CLN6: variants seen among roughly 807,000 people sequenced by gnomAD.
CLN6 encodes ceroid-lipofuscinosis neuronal protein 6.
A neutral mutation model predicts 33.3 loss-of-function variants in CLN6; 22 were observed. The ratio of observed to expected loss-of-function variants is 0.66; its 90% CI spans 0.47 to 0.94. CLN6 has a LOEUF of 0.94. Ranked by LOEUF, CLN6 falls within the 40% of genes least tolerant of loss-of-function variation. The pLI, the probability that CLN6 is intolerant of heterozygous loss-of-function variation, is 0.00. For synonymous variants in CLN6, 201 were observed against 174.6 expected (o/e 1.15, Z -1.19); for missense variants, 387 against 417.1 (o/e 0.93, Z 0.63).
At chr15:68,251,445 C>T (rs1263494169) in intron 1 of CLN6, among the ~76,000 whole-genome samples, 2 of 151,990 alleles carry the variant, frequency 1.3e-5, no homozygotes, top group Non-Finnish European at 2.9e-5. Flanking sequence ...GAGGCAGAGG[C>T]GGGTGGATGG....
chr15:68,217,523 C>T (rs2093223763), intron 2 of CLN6, among the ~76,000 whole-genome samples: 1 of 152,206 alleles, frequency 6.6e-6, no homozygotes, highest in Admixed American at 6.5e-5. Context: ...AGCCACCATG[C>T]CCGGCCCCAA....
chr15:68,252,159 A>G (rs1892388310), intron 1 of CLN6, among the ~76,000 whole-genome samples: 1 of 151,856 alleles, frequency 6.6e-6, no homozygotes, highest in Admixed American at 6.6e-5. Flanking sequence ...TTTTTAGTAG[A>G]GATAGTGTTT....
rs939823756 is a variant in CLN6, at chr15:68,247,026, C to T, written c.179+9664G>A. Among the ~76,000 whole-genome samples the T allele has an allele frequency of 2.0e-5, 3 of 151,986 alleles. No homozygotes were observed. Among genetic ancestry groups the T allele is most frequent in the African/African-American group, 7.3e-5 (3 of 41,330 alleles). ...CAAAAATTAGCCTGGCGTGGTGGTGCATGCCTGTAATCCCAGATACTCGGG... is the reference window on the plus strand; with the variant it reads ...CAAAAATTAGCCTGGCGTGGTGGTGTATGCCTGTAATCCCAGATACTCGGG... On this transcript the variant is annotated intron_variant, in intron 1 of 6. Transcript: ENST00000538696. The surrounding 1 kb of genome is among the most constrained non-coding windows in gnomAD (Gnocchi z 4.2).
At chr15:68,223,572 G>A (rs886221601) in intron 1 of CLN6, among the ~76,000 whole-genome samples, 4 of 152,094 alleles carry the variant, frequency 2.6e-5, no homozygotes, top group South Asian at 2.1e-4. Flanking sequence ...TAGGATGTTC[G>A]GTACGAGGAA....
intron 1 of CLN6, among the ~76,000 whole-genome samples, chr15:68,225,515 C>G (rs1251327638): frequency 6.6e-6 from 1 of 152,160 alleles, no homozygotes; most frequent in Non-Finnish European, 1.5e-5. Flanking sequence ...CAAGGTCTTG[C>G]TCTGTCACCC....
Position 68,208,403 on chromosome 15 carries a change from C to T in CLN6, c.673G>A (p.Val225Ile). Residue 225 changes from valine (V) to isoleucine (I), a missense_variant, in exon 7 of 7, where the codon GTC (valine) becomes ATC (isoleucine). Val to Ile is a conservative substitution (Grantham distance 29). Coordinates refer to ENST00000249806, the MANE Select transcript of CLN6 (RefSeq NM_017882.3). This position sits in a 1 kb window ranked among gnomAD's most constrained non-coding sequence, Gnocchi z 5.8. The stretch of plus-strand genomic sequence containing the variant: ...AGGATGAAGATCTGGCCCTCGGTGA[C>T]CAGGTACCTGGAAAGGCCAGGGGTG... The part of the protein sequence containing the change: ...APSGLYYWYL[V>I]TEGQIFILFI... The T allele has an allele frequency of 6.2e-7, 1 of 1,612,682 alleles. No individual in the cohort carries two copies. The highest frequency in any genetic ancestry group is 8.5e-7 in the Non-Finnish European group (1 of 1,180,000).
rs1210044779 is a variant in CLN6, at chr15:68,247,228, G to T, written c.179+9462C>A. On this transcript the variant is annotated intron_variant, in intron 1 of 6. Transcript: ENST00000538696. This position sits in a 1 kb window ranked among gnomAD's most constrained non-coding sequence, Gnocchi z 4.2. ...GAAAGGAAGAATTCAAATTAGACTT[G>T]TACACAGAAGACATGATCTTACATT... Among the ~76,000 whole-genome samples, 3 of 152,120 alleles carry T rather than the reference G, an allele frequency of 2.0e-5. No individual in the cohort carries two copies. Among genetic ancestry groups the T allele is most frequent in the Non-Finnish European group, 4.4e-5 (3 of 68,036 alleles).
In CLN6 at chr15:68,218,625, C is replaced by G. The variant is rs766479556; in HGVS notation, c.109G>C (p.Ala37Pro). 1 of 1,613,698 alleles carries G rather than the reference C, an allele frequency of 6.2e-7. No homozygotes were observed. Among genetic ancestry groups the G allele is most frequent in the South Asian group, 1.1e-5 (1 of 91,060 alleles). ...AGGTGGAAGGGAGCCGTGCGGGCAG[C>G]CTCATCAGCGCTCACAGAGCCATGC... is the stretch of plus-strand genomic sequence containing the variant. ...ARHGSVSADEAARTAPFHLDL... is the reference protein window; with the variant it reads ...ARHGSVSADEPARTAPFHLDL... Residue 37 changes from alanine to proline, a missense_variant, in exon 2 of 7, where the codon GCT becomes CCT. Coordinates refer to ENST00000249806, the MANE Select transcript of CLN6 (RefSeq NM_017882.3).
At chr15:68,229,358 T>A in intron 1 of CLN6, 144 bp downstream of exon 1, 1 of 542,682 alleles carries the variant, frequency 1.8e-6, no homozygotes, top group South Asian at 3.9e-5. Context: ...GTAGCGCGCC[T>A]CCAAGCCCCC....
At chr15:68,224,539 T>C (rs892958490) in intron 1 of CLN6, among the ~76,000 whole-genome samples, 1 of 149,306 alleles carries the variant, frequency 6.7e-6, no homozygotes, top group Admixed American at 6.8e-5. Flanking sequence ...TGAGAATTGC[T>C]TGAACCTCAC....
upstream of CLN6, among the ~76,000 whole-genome samples, chr15:68,232,537 A>G (rs1217290340): frequency 6.6e-6 from 1 of 152,146 alleles, no homozygotes; most frequent in East Asian, 1.9e-4. This position sits in a 1 kb window ranked among gnomAD's most constrained non-coding sequence, Gnocchi z 4.7. Context: ...TGTTTTGTCC[A>G]GCTGCTGTGA....
chr15:68,237,532 G>A (rs1595829315), intron 1 of CLN6, among the ~76,000 whole-genome samples: 1 of 152,106 alleles, frequency 6.6e-6, no homozygotes, highest in African/African-American at 2.4e-5. Context: ...AAACTCAGTG[G>A]ACAGGCTAAA....
upstream of CLN6, among the ~76,000 whole-genome samples, chr15:68,230,299 C>G (rs759637053): frequency 6.6e-6 from 1 of 151,912 alleles, no homozygotes; most frequent in African/African-American, 2.4e-5. The surrounding 1 kb of genome is among the most constrained non-coding windows in gnomAD (Gnocchi z 4.0). Context: ...AGTGGAGGCA[C>G]CCCCCGGGAA....
intron 1 of CLN6, among the ~76,000 whole-genome samples, chr15:68,225,240 G>C (rs991594886): frequency 1.3e-5 from 2 of 152,172 alleles, no homozygotes; most frequent in Admixed American, 6.5e-5. Flanking sequence ...GAAAGCAAAT[G>C]TAACTGTTAA....
chr15:68,232,403 C>T (rs957147012), upstream of CLN6, among the ~76,000 whole-genome samples: 4 of 152,076 alleles, frequency 2.6e-5, no homozygotes, highest in African/African-American at 4.8e-5. This position sits in a 1 kb window ranked among gnomAD's most constrained non-coding sequence, Gnocchi z 4.7. Context: ...GTGATCTGCC[C>T]GCCTTAGTCT....
chr15:68,238,440 A>G (rs962039269), intron 1 of CLN6, among the ~76,000 whole-genome samples: 1 of 152,100 alleles, frequency 6.6e-6, no homozygotes, highest in Non-Finnish European at 1.5e-5. Flanking sequence ...ACATCTGGAC[A>G]TGGTGTAGAG....
intron 1 of CLN6, among the ~76,000 whole-genome samples, chr15:68,248,166 C>A (rs1248267920): frequency 1.3e-5 from 2 of 152,096 alleles, no homozygotes; most frequent in African/African-American, 2.4e-5. Flanking sequence ...AACAGAGAAT[C>A]CAGATATAAA....
chr15:68,232,482 G>A (rs997980083), upstream of CLN6, among the ~76,000 whole-genome samples: 6 of 151,934 alleles, frequency 3.9e-5, no homozygotes, highest in Non-Finnish European at 8.8e-5. The surrounding 1 kb of genome is among the most constrained non-coding windows in gnomAD (Gnocchi z 4.7). Context: ...TAAATGTATC[G>A]CCTAAGATCC....
chr15:68,229,506 C>T lies in CLN6; in HGVS notation c.79G>A (p.Ala27Thr). 1.4e-6 allele frequency: 2 copies of T among 1,467,022 alleles called. No homozygotes were observed. Among genetic ancestry groups the T allele is most frequent in the Non-Finnish European group, 1.8e-6 (2 of 1,114,390 alleles). The allele number at this position is 1,467,022 out of a possible 1,614,324, so 90.9% of individuals were successfully genotyped here. ...CTCACCCCGGCGCGCGCCCACCTGGCCTGCAGGAAGGAGGCGCCCAGCTGC... is the reference window on the plus strand; with the variant it reads ...CTCACCCCGGCGCGCGCCCACCTGGTCTGCAGGAAGGAGGCGCCCAGCTGC... ...GAQLGASFLQ[A>T]RHGSVSADEA... is the part of the protein sequence containing the mutation. The change falls in exon 1 of 7, where the codon GCC (alanine) becomes ACC (threonine). Residue 27 changes from alanine to threonine, a missense_variant. Coordinates refer to ENST00000249806, the MANE Select transcript of CLN6 (RefSeq NM_017882.3).
Sources: allele counts gnomAD v4.1 joint callset (sites outside exome capture counted in the v4.1 genomes callset), GRCh38; gene constraint gnomAD v4.1.1; non-coding constraint Gnocchi (gnomAD v3.1); transcripts MANE v1.5; gene names NCBI Gene and HGNC (gene_info 2026-07-23, HGNC 2026-07-21).